Variants in CACNA1E observed in about 807,000 individuals in gnomAD.
CACNA1E encodes the protein calcium voltage-gated channel subunit alpha1 E, also known as voltage-dependent R-type calcium channel subunit alpha-1E.
CACNA1E carries 40 observed loss-of-function variants against 259.2 expected under a neutral mutation model. That is an observed-to-expected ratio of 0.15 (90% CI 0.12 to 0.20). CACNA1E has a LOEUF of 0.20. Among genes scored for constraint, CACNA1E ranks in the 10% least tolerant of loss-of-function variants. CACNA1E has a pLI of 1.00. For synonymous variants in CACNA1E, 1,104 were observed against 1,138.5 expected, an observed-to-expected ratio of 0.97 and a Z score of 0.61; for missense variants, 1,874 against 3,040.1, an observed-to-expected ratio of 0.62 and a Z score of 9.02.
At chr1:181,613,209 A>AT (rs879799654) in intron 6 of CACNA1E, among the ~76,000 whole-genome samples, 3 of 152,014 alleles carry the variant, frequency 2.0e-5, no homozygotes, top group Non-Finnish European at 4.4e-5. Flanking sequence ...TGTCTTGGTT[A>AT]TTTTGTTTTC....
chr1:181,663,986 G>T (rs556047070), intron 7 of CACNA1E, among the ~76,000 whole-genome samples: 8 of 152,254 alleles, frequency 5.3e-5, no homozygotes, highest in Admixed American at 1.3e-4. Flanking sequence ...GCAATTGTGG[G>T]CAAATAAGGC....
At position 181,726,091 on chromosome 1, in the gene CACNA1E, C is replaced by T. The variant is rs1377812579; in HGVS notation, c.2169C>T (p.Phe723=). ...ATGAACAGGAGGAAGAAGAGGCCTT[C>T]AACCAGAAACATGCACTGCAGAAGG... ...TKDEQEEEEA[F]NQKHALQKAK... The change falls in exon 18 of 48, where the codon TTC becomes TTT. Residue 723 remains phenylalanine (F), a synonymous_variant. Coordinates refer to ENST00000367573, the MANE Select transcript of CACNA1E (RefSeq NM_001205293.3). 3 of 1,612,808 alleles carry T rather than the reference C, an allele frequency of 1.9e-6. No individual in the cohort carries two copies. Among genetic ancestry groups the T allele is most frequent in the Non-Finnish European group, 1.7e-6 (2 of 1,179,394 alleles).
intron 45 of CACNA1E, among the ~76,000 whole-genome samples, chr1:181,794,288 A>C (rs1479822335): frequency 2.0e-5 from 3 of 152,192 alleles, no homozygotes; most frequent in Non-Finnish European, 4.4e-5. Flanking sequence ...GATTTGTTTT[A>C]ATATCTGTGG....
In CACNA1E at chr1:181,470,087, GAGAA is replaced by G. The variant is rs143035802; in HGVS notation, c.435-13649_435-13646del. On this transcript the variant is annotated intron_variant, in intron 2 of 11. Transcript: ENST00000524607. Reference sequence around the variant, plus strand: ...AGAGAGTGAGAGAGAGAGAGCGTGAGAGAAAGAAAGAGAGCAAGAAAGCGAGAGA... The same window carrying G: ...AGAGAGTGAGAGAGAGAGAGCGTGAGAGAAAGAGAGCAAGAAAGCGAGAGA... 5.2e-3 allele frequency among the ~76,000 whole-genome samples: 786 copies of G among 152,072 alleles called. 12 individuals carry two copies. The highest frequency in any genetic ancestry group is 0.018 in the African/African-American group (737 of 41,482).
chr1:181,378,374 G>T (rs1655241180), intron 1 of CACNA1E, among the ~76,000 whole-genome samples: 1 of 152,218 alleles, frequency 6.6e-6, no homozygotes, highest in African/African-American at 2.4e-5. Context: ...TGAACTCCAT[G>T]ATTGCCTTAC....
chr1:181,624,313 A>G (rs1047663696), intron 6 of CACNA1E, among the ~76,000 whole-genome samples: 2 of 152,216 alleles, frequency 1.3e-5, no homozygotes, highest in South Asian at 2.1e-4. Context: ...CTATAGCAAT[A>G]AGAGAAGAAT....
chr1:181,523,791 T>G (rs180923827), intron 3 of CACNA1E, among the ~76,000 whole-genome samples: 8 of 152,364 alleles, frequency 5.3e-5, no homozygotes, highest in African/African-American at 1.9e-4. Flanking sequence ...GGCCCAGAAC[T>G]GCAATGTATG....
rs144411595 is a variant in CACNA1E, at chr1:181,786,468, T to C, written c.5786+649T>C. Among the ~76,000 whole-genome samples, 610 of 152,342 alleles carry C rather than the reference T, an allele frequency of 4.0e-3. 5 individuals are homozygous for C. Among genetic ancestry groups the C allele is most frequent in the African/African-American group, 0.014 (570 of 41,580 alleles). On this transcript the variant is annotated intron_variant, in intron 43 of 47. Coordinates refer to ENST00000367573, the MANE Select transcript of CACNA1E (RefSeq NM_001205293.3). ...TTCTGACCCCAGAGTGTTTTCACTA[T>C]ACCATGTTTTCTTTAATGAACAAAA...
chr1:181,609,114 C>T (rs976697892), intron 6 of CACNA1E, among the ~76,000 whole-genome samples: 3 of 152,198 alleles, frequency 2.0e-5, no homozygotes, highest in Non-Finnish European at 4.4e-5. Context: ...CTTTGCCCAG[C>T]AGGGCTACCT....
Position 181,736,289 on chromosome 1 carries a change from G to T in CACNA1E, c.3277G>T (p.Asp1093Tyr). The T allele has an allele frequency of 6.3e-7, 1 of 1,593,278 alleles. No homozygotes were observed. Among genetic ancestry groups the T allele is most frequent in the Non-Finnish European group, 8.6e-7 (1 of 1,169,498 alleles). ...STVVHISNKT[D>Y]GEASPLKEAE... ...TCCTCTTGCAGTTAGCAACAAGACG[G>T]ATGGGGAAGCCAGTCCCTTGAAGGA... Residue 1093 changes from aspartate to tyrosine, a missense_variant, in exon 22 of 48, where the codon GAT becomes TAT. Physicochemically the swap from Asp to Tyr is radical, Grantham distance 160. Around this residue, in one of 14 missense-constraint regions of CACNA1E, gnomAD observed 476 missense variants for 514.0 expected, o/e 0.93. Coordinates refer to ENST00000367573, the MANE Select transcript of CACNA1E (RefSeq NM_001205293.3).
intron 1 of CACNA1E, among the ~76,000 whole-genome samples, chr1:181,321,353 A>C (rs186479599): frequency 2.0e-5 from 3 of 152,330 alleles, no homozygotes; most frequent in Admixed American, 6.5e-5. Flanking sequence ...CAGTGAGCTC[A>C]TGAATCCTAC....
intron 1 of CACNA1E, among the ~76,000 whole-genome samples, chr1:181,391,931 CTCTCTCTCTCTCTCTGTGTGTGTGTG>C (rs970449342): frequency 1.7e-5 from 1 of 59,876 alleles, no homozygotes; most frequent in Non-Finnish European, 3.9e-5. Flanking sequence ...CTCTGTCTCT[CTCTCTCTCTCTCTCTGTGTGTGTGTG>C]TGTGTGTGTG....
At chr1:181,703,891 G>A (rs900350390) in intron 7 of CACNA1E, among the ~76,000 whole-genome samples, 3 of 152,154 alleles carry the variant, frequency 2.0e-5, no homozygotes, top group Admixed American at 6.5e-5. Flanking sequence ...TTCCATTGCC[G>A]TGGACATAAG....
chr1:181,791,057 T>C (rs1479351281), intron 44 of CACNA1E, among the ~76,000 whole-genome samples: 3 of 152,200 alleles, frequency 2.0e-5, no homozygotes, highest in Admixed American at 6.5e-5. Context: ...CACAGAAGAC[T>C]GTCTTACCTC....
chr1:181,751,029 C>A (rs1052016683), intron 26 of CACNA1E, among the ~76,000 whole-genome samples: 1 of 152,088 alleles, frequency 6.6e-6, no homozygotes, highest in Non-Finnish European at 1.5e-5. Flanking sequence ...GGAAAGCAGC[C>A]GGAAGCCTTG....
At chr1:181,432,227 T>C (rs1659765212) in intron 2 of CACNA1E, among the ~76,000 whole-genome samples, 1 of 152,136 alleles carries the variant, frequency 6.6e-6, no homozygotes, top group Non-Finnish European at 1.5e-5. Context: ...CTAGTTTAAT[T>C]TTTATCAAGA....
chr1:181,454,409 T>G (rs576858169), intron 2 of CACNA1E, among the ~76,000 whole-genome samples: 1 of 152,326 alleles, frequency 6.6e-6, no homozygotes, highest in South Asian at 2.1e-4. Context: ...TTCAATATAA[T>G]CTACAATAGG....
intron 3 of CACNA1E, among the ~76,000 whole-genome samples, chr1:181,561,221 A>C (rs1369807042): frequency 3.3e-5 from 5 of 152,216 alleles, no homozygotes; most frequent in Non-Finnish European, 5.9e-5. Context: ...AAAATGGTTT[A>C]AAATGGCAAA....
intron 3 of CACNA1E, among the ~76,000 whole-genome samples, chr1:181,537,095 CTTTTTTTTTTT>C (rs201514362): frequency 0.11 from 12,093 of 112,742 alleles, 663 homozygotes; most frequent in South Asian, 0.3. Context: ...TTTTTCTTTT[CTTTTTTTTTTT>C]TTTTTTTTTT....
Sources: allele counts gnomAD v4.1 joint callset (sites outside exome capture counted in the v4.1 genomes callset), GRCh38; gene constraint gnomAD v4.1.1; regional missense constraint gnomAD v4.1.1; transcripts MANE v1.5; gene names NCBI Gene and HGNC (gene_info 2026-07-23, HGNC 2026-07-21).